Variants in LRBA observed in about 807,000 individuals in gnomAD.
LRBA encodes LPS responsive beige-like anchor protein.
A neutral mutation model predicts 330.0 loss-of-function variants in LRBA; 176 were observed. The ratio of observed to expected loss-of-function variants is 0.53; its 90% CI spans 0.47 to 0.60. The LOEUF (loss-of-function observed/expected upper bound fraction) is 0.60, where lower values mean the gene tolerates loss of function less well. Among genes scored for constraint, LRBA ranks in the 20% least tolerant of loss-of-function variants. The pLI is 0.00. For missense variants in LRBA, 3,259 were observed against 3,444.8 expected (o/e 0.95, Z 1.35); for synonymous variants, 1,230 against 1,193.0 (o/e 1.03, Z -0.64).
At chr4:150,359,848 C>T (rs1053027024) in intron 47 of LRBA, among the ~76,000 whole-genome samples, 113 of 151,926 alleles carry the variant, frequency 7.4e-4, no homozygotes, top group African/African-American at 2.6e-3. Context: ...GGCGTGGTGG[C>T]GCGCATCTGT....
chr4:150,999,755 C>A (rs1011566305), intron 2 of LRBA, among the ~76,000 whole-genome samples: 3 of 151,896 alleles, frequency 2.0e-5, no homozygotes, highest in Non-Finnish European at 2.9e-5. Flanking sequence ...CCCTGAGGCT[C>A]CAGGCAAACT....
chr4:150,490,550 T>G (rs1043758323), intron 41 of LRBA, among the ~76,000 whole-genome samples: 1 of 151,838 alleles, frequency 6.6e-6, no homozygotes, highest in African/African-American at 2.4e-5. Flanking sequence ...AATAGACATA[T>G]GAATCGTTAT....
In LRBA at chr4:150,813,149, C is replaced by A. The variant is rs1348168116; in HGVS notation, c.5305+3975G>T. On this transcript the variant is annotated intron_variant, in intron 31 of 56. Transcript: ENST00000651943. Reference sequence around the variant, plus strand: ...CTCCAGCCTGGGAAACAAAGACAGACCCTGTCTCAATTAAAAAAAAAAAAA... The same window carrying A: ...CTCCAGCCTGGGAAACAAAGACAGAACCTGTCTCAATTAAAAAAAAAAAAA... Among the ~76,000 whole-genome samples, 4 of 129,096 alleles carry A rather than the reference C, an allele frequency of 3.1e-5. 1 individual carries two copies. The South Asian group carries it at 1.0e-3, about 32-fold the overall frequency. The allele number at this position is 129,096 out of a possible 152,430, so 84.7% of individuals were successfully genotyped here.
intron 55 of LRBA, among the ~76,000 whole-genome samples, chr4:150,279,658 TA>T (rs1273063196): frequency 6.6e-6 from 1 of 152,244 alleles, no homozygotes; most frequent in African/African-American, 2.4e-5. Flanking sequence ...AAATACAGCT[TA>T]TTCTCAAGAA....
Position 150,585,812 on chromosome 4 carries a change from GT to G in LRBA, c.6330+2235del, listed in dbSNP as rs544960920. The stretch of plus-strand genomic sequence containing the variant: ...GCAATTTTAAAGATCAGAGGAAGAA[GT>G]TTGAGAGGGGGAAGGGCTGTATGGA... On this transcript the variant is annotated intron_variant, in intron 40 of 56. Coordinates refer to ENST00000651943, the MANE Select transcript of LRBA (RefSeq NM_001364905.1). 5.3e-4 allele frequency among the ~76,000 whole-genome samples: 81 copies of G among 152,338 alleles called. 1 individual carries two copies. In the East Asian group the frequency reaches 0.014, roughly 26 times the overall value.
intron 1 of LRBA, among the ~76,000 whole-genome samples, 163 bp from the exon 2 acceptor site, chr4:151,015,024 C>T (rs987429467): frequency 7.2e-5 from 11 of 152,280 alleles, no homozygotes; most frequent in African/African-American, 1.9e-4. Context: ...TGGGTGAAGG[C>T]AGGTCCAAGA....
chr4:150,621,260 A>G lies in LRBA; in HGVS notation c.5922-22129T>C, dbSNP rs146869532. Among the ~76,000 whole-genome samples, 1,096 of 152,314 alleles carry G rather than the reference A, an allele frequency of 7.2e-3. 10 individuals carry two copies. The highest frequency in any genetic ancestry group is 0.025 in the African/African-American group (1,039 of 41,572). Reference sequence around the variant, plus strand: ...AATGATTCAAATGCTCTTTTTATACATGATCTCCCTTATCATTTAAGCTAA... The same window carrying G: ...AATGATTCAAATGCTCTTTTTATACGTGATCTCCCTTATCATTTAAGCTAA... On this transcript the variant is annotated intron_variant, in intron 37 of 56. Coordinates refer to ENST00000651943, the MANE Select transcript of LRBA (RefSeq NM_001364905.1).
chr4:150,721,073 T>C (rs1402700281), intron 36 of LRBA: 9 of 573,902 alleles, frequency 1.6e-5, no homozygotes, highest in Non-Finnish European at 2.8e-5. Context: ...ATAGGAATTA[T>C]GAGTATTTGG....
At chr4:150,705,528 A>T (rs1315878453) in intron 36 of LRBA, among the ~76,000 whole-genome samples, 1 of 152,054 alleles carries the variant, frequency 6.6e-6, no homozygotes, top group African/African-American at 2.4e-5. Context: ...CTCACAAATG[A>T]CTAAGATTGC....
Position 150,272,824 on chromosome 4 carries a change from CT to C in LRBA, c.8468+5028del, listed in dbSNP as rs1746301974. On this transcript the variant is annotated intron_variant, in intron 56 of 56. Transcript: ENST00000651943. The stretch of plus-strand genomic sequence containing the variant: ...ATAGGACTATGTGAAAAGACCAAAT[CT>C]ACATTTGATTTGTATACCTGAAGGT... Among the ~76,000 whole-genome samples, 6 of 152,150 alleles carry C rather than the reference CT, an allele frequency of 3.9e-5. No individual in the cohort carries two copies. The South Asian group carries it at 1.2e-3, about 32-fold the overall frequency.
chr4:150,979,020 C>T (rs1327460970), intron 2 of LRBA, among the ~76,000 whole-genome samples: 2 of 151,998 alleles, frequency 1.3e-5, no homozygotes, highest in Admixed American at 1.3e-4. Context: ...AGAAAGATAT[C>T]AATACTCAAG....
chr4:150,453,320 A>G (rs1482240518), intron 44 of LRBA, among the ~76,000 whole-genome samples: 1 of 152,200 alleles, frequency 6.6e-6, no homozygotes, highest in Non-Finnish European at 1.5e-5. Flanking sequence ...TGATATAAGG[A>G]TATACTGATT....
At chr4:150,993,897 C>G (rs1322172789) in intron 2 of LRBA, among the ~76,000 whole-genome samples, 3 of 151,474 alleles carry the variant, frequency 2.0e-5, no homozygotes, top group African/African-American at 7.3e-5. Flanking sequence ...ATCACCCATC[C>G]CTACTAAAAA....
intron 17 of LRBA, among the ~76,000 whole-genome samples, chr4:150,879,254 T>C (rs916283953): frequency 6.6e-6 from 1 of 151,956 alleles, no homozygotes; most frequent in Non-Finnish European, 1.5e-5. Context: ...ACAAACAGAA[T>C]TAAAAACAAA....
chr4:150,450,445 T>C (rs984944058), intron 44 of LRBA, among the ~76,000 whole-genome samples: 2 of 152,198 alleles, frequency 1.3e-5, no homozygotes, highest in Non-Finnish European at 2.9e-5. Flanking sequence ...TAGGCTCAGC[T>C]GTTCCTTGGC....
intron 9 of LRBA, among the ~76,000 whole-genome samples, chr4:150,913,601 TGTTC>T (rs1231507954): frequency 6.6e-6 from 1 of 152,392 alleles, no homozygotes; most frequent in Non-Finnish European, 1.5e-5. Context: ...TCTGTCTGGT[TGTTC>T]TATTCATTAT....
chr4:150,335,230 G>T (rs1369616761), intron 48 of LRBA, among the ~76,000 whole-genome samples: 1 of 151,428 alleles, frequency 6.6e-6, no homozygotes, highest in Non-Finnish European at 1.5e-5. Context: ...AAAATTGGAA[G>T]AAAAAAACTA....
intron 17 of LRBA, among the ~76,000 whole-genome samples, chr4:150,888,343 CTG>C (rs1729156173): frequency 6.6e-6 from 1 of 152,128 alleles, no homozygotes; most frequent in Non-Finnish European, 1.5e-5. Context: ...GCAAAAGAAA[CTG>C]TAAATACCTG....
intron 4 of LRBA, among the ~76,000 whole-genome samples, chr4:150,927,302 G>A (rs1447197959): frequency 6.6e-6 from 1 of 151,334 alleles, no homozygotes; most frequent in African/African-American, 2.4e-5. Context: ...GAACCCGGGA[G>A]GCAGAGCTTG....
Sources: gnomAD v4.1 joint callset for allele counts (sites outside exome capture counted in the v4.1 genomes callset) on GRCh38, gnomAD v4.1.1 for gene constraint, MANE v1.5 for transcripts, NCBI Gene and HGNC (gene_info 2026-07-23, HGNC 2026-07-21) for gene names.